The following CALN1 variants were observed in gnomAD, a reference collection of about 807,000 sequenced individuals.
The protein encoded by CALN1 is calcium-binding protein 8.
CALN1 carries 17 observed loss-of-function variants against 30.6 expected under a neutral mutation model. The observed-to-expected ratio is 0.56, with a 90% CI of 0.38 to 0.83. The LOEUF (loss-of-function observed/expected upper bound fraction) is 0.83, where lower values mean the gene tolerates loss of function less well. Ranked by LOEUF, CALN1 falls within the 40% of genes least tolerant of loss-of-function variation. The pLI is 0.00. For synonymous variants in CALN1, 156 were observed against 131.4 expected, an observed-to-expected ratio of 1.19 and a Z score of -1.28; for missense variants, 291 against 354.9, an observed-to-expected ratio of 0.82 and a Z score of 1.45.
chr7:72,481,021 C>T, the CALN1 span, among the ~76,000 whole-genome samples: 3 of 152,068 alleles, frequency 2.0e-5, no homozygotes, highest in South Asian at 2.1e-4. Context: ...GGTGCGATCT[C>T]GGCTCCCTGT....
chr7:72,461,607 G>A, the CALN1 span, among the ~76,000 whole-genome samples: 1 of 152,102 alleles, frequency 6.6e-6, no homozygotes, highest in African/African-American at 2.4e-5. Flanking sequence ...TTAAACAGTG[G>A]GTACACGTGG....
intron 2 of CALN1, among the ~76,000 whole-genome samples, chr7:72,312,394 GAAAAA>G (rs768174448): frequency 1.4e-5 from 1 of 71,828 alleles, no homozygotes; most frequent in Non-Finnish European, 3.0e-5. Flanking sequence ...CTTCATCTCA[GAAAAA>G]AAAAAAAAAA....
intron 2 of CALN1, chr7:72,336,863 C>A: frequency 1.0e-6 from 1 of 985,118 alleles, no homozygotes; most frequent in African/African-American, 1.7e-5. Context: ...CAGCCGCGTC[C>A]CCGTGCCGGC....
chr7:72,451,880 A>G (rs1010376895), upstream of CALN1, among the ~76,000 whole-genome samples: 2 of 152,056 alleles, frequency 1.3e-5, no homozygotes, highest in South Asian at 4.2e-4. Context: ...AAGAAACTCT[A>G]TTTTGGGGCT....
intron 2 of CALN1, among the ~76,000 whole-genome samples, chr7:72,389,562 G>A (rs1310213411): frequency 6.6e-6 from 1 of 152,160 alleles, no homozygotes; most frequent in Non-Finnish European, 1.5e-5. Context: ...TCCTTAAGAA[G>A]TCAAATGACT....
chr7:72,316,466 G>C (rs1170612825), intron 2 of CALN1, among the ~76,000 whole-genome samples: 1 of 152,058 alleles, frequency 6.6e-6, no homozygotes, highest in East Asian at 1.9e-4. Context: ...TAATAAAGAG[G>C]GGAATACAGA....
chr7:72,346,296 T>C (rs1301172238), intron 2 of CALN1, among the ~76,000 whole-genome samples: 1 of 152,198 alleles, frequency 6.6e-6, no homozygotes, highest in Non-Finnish European at 1.5e-5. Context: ...TTCCCAAAGA[T>C]AACCACTTTC....
intron 3 of CALN1, among the ~76,000 whole-genome samples, chr7:72,235,236 C>T (rs1202552764): frequency 1.3e-5 from 2 of 151,778 alleles, no homozygotes; most frequent in East Asian, 1.9e-4. Flanking sequence ...ATCACACCAC[C>T]GCACTCCAGC....
rs1049596680 is a variant in CALN1 at position 71,964,675 on chromosome 7, C to A, written c.501+58982G>T. ...GACTCTGTCTCAAAAAAAAACCAAA[C>A]CAAAACAAAACAAAAAAAGGAACAA... On this transcript the variant is annotated intron_variant, in intron 5 of 6. Coordinates refer to ENST00000395275, the MANE Select transcript of CALN1 (RefSeq NM_031468.4). Among the ~76,000 whole-genome samples, 8 of 152,024 alleles carry A rather than the reference C, an allele frequency of 5.3e-5. No individual in the cohort carries two copies. The South Asian group carries it at 6.2e-4, about 12-fold the overall frequency.
intron 3 of CALN1, among the ~76,000 whole-genome samples, chr7:72,130,001 A>T (rs1416880947): frequency 6.6e-6 from 1 of 152,104 alleles, no homozygotes; most frequent in Admixed American, 6.5e-5. Flanking sequence ...GGGGTGAGTG[A>T]GTTCTTGCTT....
At chr7:72,180,153 A>C (rs1361112368) in intron 3 of CALN1, among the ~76,000 whole-genome samples, 3 of 152,184 alleles carry the variant, frequency 2.0e-5, no homozygotes, top group Non-Finnish European at 2.9e-5. Context: ...ACGGGGTATC[A>C]TTTAGTTTGT....
chr7:72,399,275 TTTTTTTTTTTTTTTGAG>T (rs912447044), intron 2 of CALN1, among the ~76,000 whole-genome samples: 5 of 143,562 alleles, frequency 3.5e-5, no homozygotes, highest in Non-Finnish European at 6.1e-5. Context: ...TATTGCTTTT[TTTTTTTTTTTTTTTGAG>T]ATGGAGTCTC....
intron 5 of CALN1, among the ~76,000 whole-genome samples, chr7:71,874,389 G>A (rs1219567037): frequency 1.3e-5 from 2 of 151,894 alleles, no homozygotes; most frequent in Non-Finnish European, 2.9e-5. Context: ...CTACAATGTA[G>A]GGCTAATCTC....
rs1047100451 is a variant in CALN1 at position 72,184,554 on chromosome 7, G to A, written c.245-78260C>T. Among the ~76,000 whole-genome samples, 14 of 152,320 alleles carry A rather than the reference G, an allele frequency of 9.2e-5. No homozygotes were observed. The East Asian group carries it at 9.6e-4, about 10-fold the overall frequency. On this transcript the variant is annotated intron_variant, in intron 3 of 6. Coordinates refer to ENST00000395275, the MANE Select transcript of CALN1 (RefSeq NM_031468.4). ...ACTCAGTAGTGGTTGGCTCTGATTA[G>A]TATTACATCATGTTACCTTGCATCC...
chr7:72,196,985 A>G (rs1791058084), intron 3 of CALN1, among the ~76,000 whole-genome samples: 1 of 152,154 alleles, frequency 6.6e-6, no homozygotes, highest in Non-Finnish European at 1.5e-5. Flanking sequence ...GGATAGTCTG[A>G]AAAACTCTCT....
chr7:72,378,496 T>C (rs946641118), intron 2 of CALN1, among the ~76,000 whole-genome samples: 12 of 152,182 alleles, frequency 7.9e-5, no homozygotes, highest in Admixed American at 5.9e-4. Flanking sequence ...ACACAGAATT[T>C]TAGAGTTCCC....
At chr7:72,410,569 C>T (rs971119892) in intron 1 of CALN1, among the ~76,000 whole-genome samples, 1 of 152,176 alleles carries the variant, frequency 6.6e-6, no homozygotes, top group Admixed American at 6.5e-5. Context: ...CTTTTCAAAT[C>T]AGCTCAATTC....
intron 3 of CALN1, among the ~76,000 whole-genome samples, chr7:72,225,109 A>C (rs1793579142): frequency 6.6e-6 from 1 of 151,912 alleles, no homozygotes; most frequent in Non-Finnish European, 1.5e-5. Context: ...CTCAAAAAAA[A>C]AAAAGCACGA....
At chr7:71,833,719 A>T (rs1789428736) in intron 5 of CALN1, among the ~76,000 whole-genome samples, 1 of 152,092 alleles carries the variant, frequency 6.6e-6, no homozygotes, top group South Asian at 2.1e-4. Flanking sequence ...ACTGGGTACC[A>T]TAGCAAGACC....
Sources: gnomAD v4.1 joint callset for allele counts (sites outside exome capture counted in the v4.1 genomes callset) on GRCh38, gnomAD v4.1.1 for gene constraint, MANE v1.5 for transcripts, NCBI Gene and HGNC (gene_info 2026-07-23, HGNC 2026-07-21) for gene names.